The following REXO5 variants were observed in gnomAD, a reference collection of about 807,000 sequenced individuals.
REXO5 encodes exonuclease NEF-sp.
A neutral mutation model predicts 88.5 loss-of-function variants in REXO5; 48 were observed. The ratio of observed to expected loss-of-function variants is 0.54; its 90% CI spans 0.43 to 0.69. The LOEUF (loss-of-function observed/expected upper bound fraction) is 0.69, where lower values mean the gene tolerates loss of function less well. REXO5 is among the 30% of genes least tolerant of loss of function. REXO5 has a pLI of 0.00. For missense variants in REXO5, 749 were observed against 912.2 expected, an observed-to-expected ratio of 0.82 and a Z score of 2.30; for synonymous variants, 311 against 336.5, an observed-to-expected ratio of 0.92 and a Z score of 0.83.
chr16:20,834,008 C>T (rs755103598), intron 13 of REXO5, among the ~76,000 whole-genome samples: 1 of 152,152 alleles, frequency 6.6e-6, no homozygotes, highest in Non-Finnish European at 1.5e-5. Flanking sequence ...TTTTTAGTCT[C>T]CTTTAAAGCT....
chr16:20,833,674 C>G (rs1280352679), intron 13 of REXO5, among the ~76,000 whole-genome samples: 1 of 152,118 alleles, frequency 6.6e-6, no homozygotes, highest in Non-Finnish European at 1.5e-5. Context: ...TATATGTACC[C>G]TCATGCTTAT....
At position 20,827,354 on chromosome 16, in the gene REXO5, T is replaced by C. The variant is rs768904418; in HGVS notation, c.962T>C (p.Met321Thr). Residue 321 changes from methionine (M) to threonine (T), a missense_variant and splice_region_variant, in exon 10 of 20, where the codon ATG becomes ACG. Transcript: ENST00000261377. ...CATTTTATTCTCTTTCTTCCTCAGA[T>C]GATACATCCATATGTTATTGATACA... Reference protein sequence around the residue: ...SLDLDLRALKMIHPYVIDTSL... With the variant: ...SLDLDLRALKTIHPYVIDTSL... The C allele has an allele frequency of 3.1e-6, 5 of 1,611,456 alleles. No individual in the cohort carries two copies.
chr16:20,813,045 G>T, intron 2 of REXO5, 145 bp from the exon 3 acceptor site: 1 of 652,614 alleles, frequency 1.5e-6, no homozygotes, highest in Non-Finnish European at 2.8e-6. Flanking sequence ...GTTATTTTAG[G>T]CCATCATTTT....
At chr16:20,848,211 C>G (rs767356157) in intron 19 of REXO5, among the ~76,000 whole-genome samples, 1 of 151,934 alleles carries the variant, frequency 6.6e-6, no homozygotes, top group Admixed American at 6.6e-5. Context: ...CAGTTGTGTC[C>G]GTGATGGCAG....
rs181905689 is a variant in REXO5 at position 20,844,806 on chromosome 16, G to T, written c.1897G>T (p.Asp633Tyr). The T allele has an allele frequency of 6.2e-7, 1 of 1,614,130 alleles. No homozygotes were observed. The highest frequency in any genetic ancestry group is 8.5e-7 in the Non-Finnish European group (1 of 1,180,016). The change falls in exon 17 of 20, where the codon GAT becomes TAT. Residue 633 changes from aspartate to tyrosine, a missense_variant. By Grantham distance (160) the Asp-to-Tyr change is radical. Transcript: ENST00000261377. ...CCTGGAAGCTGTGATCTTGCCTAAA[G>T]ATCTTAAAAGTGGAAAGCAGAAAAA... ...LGLEAVILPK[D>Y]LKSGKQKKYC... is the part of the protein sequence containing the mutation.
chr16:20,824,633 G>A (rs1332662902), intron 7 of REXO5, 106 bp downstream of exon 7: 14 of 729,114 alleles, frequency 1.9e-5, no homozygotes, highest in Non-Finnish European at 3.3e-5. Context: ...TTCATTTTTA[G>A]TATTCTGTTT....
chr16:20,828,712 A>AGGCT (rs2081294694), intron 11 of REXO5, among the ~76,000 whole-genome samples, 175 bp downstream of exon 11: 1 of 152,096 alleles, frequency 6.6e-6, no homozygotes, highest in Non-Finnish European at 1.5e-5. Flanking sequence ...GCAGATCACC[A>AGGCT]GGTCAGGAGT....
At chr16:20,842,502 A>G (rs2081544742) in intron 15 of REXO5, among the ~76,000 whole-genome samples, 2 of 137,822 alleles carry the variant, frequency 1.5e-5, no homozygotes, top group African/African-American at 2.7e-5. Flanking sequence ...TTTTTGAGAT[A>G]GGGTCTTGCT....
chr16:20,813,344 CTTTTTTTTTTT>C (rs56875427), intron 3 of REXO5, 42 bp downstream of exon 3: 2 of 644,002 alleles, frequency 3.1e-6, no homozygotes, highest in East Asian at 3.1e-5. Flanking sequence ...CCAGCGGTTT[CTTTTTTTTTTT>C]TTTTTTTTTA....
upstream of REXO5, chr16:20,806,498 C>T (rs1213826765): frequency 5.8e-6 from 9 of 1,545,992 alleles, no homozygotes; most frequent in Non-Finnish European, 7.9e-6. Flanking sequence ...CCGGTCCGTT[C>T]AAAAAGCCCG....
At chr16:20,849,092 T>C (rs1247858453) in intron 19 of REXO5, among the ~76,000 whole-genome samples, 4 of 152,382 alleles carry the variant, frequency 2.6e-5, no homozygotes, top group Non-Finnish European at 5.9e-5. Flanking sequence ...AAGTGCTCAG[T>C]GTATGTTTGC....
Position 20,814,870 on chromosome 16 carries a change from G to T in REXO5, c.252-57G>T. ...CTTCTCCCCTATTTCCCCTCTATAT[G>T]ACTGTAACTGACTTAAGGCCATCTG... is the stretch of plus-strand genomic sequence containing the variant. On this transcript the variant is annotated intron_variant, in intron 3 of 19. Coordinates refer to ENST00000261377, the MANE Select transcript of REXO5 (RefSeq NM_030941.3). 1.9e-6 allele frequency: 3 copies of T among 1,544,708 alleles called. No homozygotes were observed. The South Asian group carries it at 3.8e-5, about 20-fold the overall frequency.
intron 2 of REXO5, among the ~76,000 whole-genome samples, chr16:20,812,911 G>A (rs775655173): frequency 1.4e-4 from 22 of 152,322 alleles, no homozygotes; most frequent in Admixed American, 5.9e-4. Flanking sequence ...CTAGTAGAAT[G>A]GACTCTTTGA....
chr16:20,813,086 A>T, intron 2 of REXO5, 104 bp from the exon 3 acceptor site: 1 of 770,460 alleles, frequency 1.3e-6, no homozygotes, highest in Non-Finnish European at 2.3e-6. Flanking sequence ...ATGTTAGAAT[A>T]TACCTGTATG....
chr16:20,848,266 C>T (rs1221114558), intron 19 of REXO5, among the ~76,000 whole-genome samples: 1 of 152,160 alleles, frequency 6.6e-6, no homozygotes, highest in Non-Finnish European at 1.5e-5. Context: ...ATAGCAAAAA[C>T]AATAGAAGGT....
At chr16:20,815,679 ATGAGAAACTGAGTAACT>A (rs533847891) in intron 4 of REXO5, among the ~76,000 whole-genome samples, 1 of 152,330 alleles carries the variant, frequency 6.6e-6, no homozygotes, top group African/African-American at 2.4e-5. Flanking sequence ...CATTTTGTAC[ATGAGAAACTGAGTAACT>A]TGCCCGAGTT....
In REXO5 at chr16:20,818,538, A is replaced by G. The variant is rs1183317420; in HGVS notation, c.475+2326A>G. On this transcript the variant is annotated intron_variant, in intron 5 of 19. Transcript: ENST00000261377. ...GGCTGGAGTGCAGTGGGATGATCCCAGTTCACTGCAACCTCTGCCACCTGG... is the reference window on the plus strand; with the variant it reads ...GGCTGGAGTGCAGTGGGATGATCCCGGTTCACTGCAACCTCTGCCACCTGG... Among the ~76,000 whole-genome samples the G allele has an allele frequency of 3.3e-5, 5 of 152,322 alleles. No homozygotes were observed. The East Asian group carries it at 9.6e-4, about 29-fold the overall frequency.
chr16:20,842,486 T>TG (rs1414260905), intron 15 of REXO5, among the ~76,000 whole-genome samples: 1 of 151,578 alleles, frequency 6.6e-6, no homozygotes, highest in East Asian at 1.9e-4. Flanking sequence ...TTGTTTGTTT[T>TG]TTTTTTTTTT....
At position 20,806,604 on chromosome 16, in the gene REXO5, G is replaced by C. The variant is rs1338421770; in HGVS notation, c.-104G>C. ...TCTCTTCTGCGTTTCCCGGGCTAGG[G>C]GGCGTGGGGAGTGGTTTTAGGCGGC... On this transcript the variant is annotated 5_prime_UTR_variant, in exon 1 of 20. Transcript: ENST00000261377. 13 of 1,418,024 alleles carry C rather than the reference G, an allele frequency of 9.2e-6. No individual in the cohort carries two copies. The Admixed American group carries it at 3.5e-4, about 38-fold the overall frequency. The allele number at this position is 1,418,024 out of a possible 1,614,324, so 87.8% of individuals were successfully genotyped here.
Sources: allele counts gnomAD v4.1 joint callset (sites outside exome capture counted in the v4.1 genomes callset), GRCh38; gene constraint gnomAD v4.1.1; transcripts MANE v1.5; gene names NCBI Gene and HGNC (gene_info 2026-07-23, HGNC 2026-07-21).